The following SOD2 variants were observed in gnomAD, a reference collection of about 807,000 sequenced individuals.
SOD2 encodes superoxide dismutase 2.
In SOD2, 11 loss-of-function variants were observed where a neutral mutation model predicts 27.0. That is an observed-to-expected ratio of 0.41 (90% confidence interval 0.26 to 0.67). The LOEUF is 0.67. Among genes scored for constraint, SOD2 ranks in the 30% least tolerant of loss-of-function variants. The pLI is 0.34. For missense variants in SOD2, 250 were observed against 274.5 expected, an observed-to-expected ratio of 0.91 and a Z score of 0.63; for synonymous variants, 105 against 103.0, an observed-to-expected ratio of 1.02 and a Z score of -0.12.
chr6:159,689,982 A>T (rs901203825), intron 2 of SOD2, among the ~76,000 whole-genome samples: 1 of 151,080 alleles, frequency 6.6e-6, no homozygotes, highest in African/African-American at 2.4e-5. Context: ...AGAAAGAGAA[A>T]GAAAAAAACA....
At chr6:159,690,782 TAC>T (rs1351870497) in intron 2 of SOD2, 1 of 152,214 alleles carries the variant, frequency 6.6e-6, no homozygotes, top group Non-Finnish European at 1.5e-5. Flanking sequence ...CTTAACATCT[TAC>T]AGTTTGCTTA....
At chr6:159,691,794 AC>A (rs1263826162) in intron 2 of SOD2, 1 of 152,190 alleles carries the variant, frequency 6.6e-6, no homozygotes, top group Non-Finnish European at 1.5e-5. Context: ...GTAAATAAAA[AC>A]AAGCCTGTTT....
chr6:159,715,879 A>C (rs2114831487), intron 1 of SOD2, among the ~76,000 whole-genome samples: 1 of 152,094 alleles, frequency 6.6e-6, no homozygotes, highest in South Asian at 2.1e-4. Flanking sequence ...CAGCCTGGGC[A>C]ACAGAGCTAG....
At chr6:159,712,749 C>G in intron 1 of SOD2, 1 of 472,738 alleles carries the variant, frequency 2.1e-6, no homozygotes, top group South Asian at 1.7e-5. Flanking sequence ...CTCAGACCAC[C>G]ATAACCACCT....
chr6:159,755,272 C>T, intron 1 of SOD2: 1 of 1,614,180 alleles, frequency 6.2e-7, no homozygotes, highest in Non-Finnish European at 8.5e-7. Flanking sequence ...GCTCCTCCCG[C>T]CAGAGGACGT....
upstream of SOD2, among the ~76,000 whole-genome samples, chr6:159,698,230 G>A (rs573650015): frequency 6.6e-6 from 1 of 152,034 alleles, no homozygotes; most frequent in South Asian, 2.1e-4. Flanking sequence ...CTGAGATCTC[G>A]CCACTGCACT....
intron 1 of SOD2, among the ~76,000 whole-genome samples, chr6:159,709,537 C>G (rs562259260): frequency 1.3e-5 from 2 of 152,144 alleles, no homozygotes; most frequent in South Asian, 4.1e-4. Context: ...CACTGGCCAT[C>G]AGAGAAATGC....
chr6:159,703,796 C>A (rs1349533331), intron 1 of SOD2, among the ~76,000 whole-genome samples: 1 of 152,208 alleles, frequency 6.6e-6, no homozygotes, highest in East Asian at 1.9e-4. Flanking sequence ...CTTAGATACA[C>A]TCCTACAACA....
chr6:159,754,151 A>G (rs1230970902), intron 1 of SOD2, among the ~76,000 whole-genome samples: 1 of 152,228 alleles, frequency 6.6e-6, no homozygotes, highest in Admixed American at 6.5e-5. Context: ...TGCATTATTA[A>G]TAAGGAAAAT....
chr6:159,732,872 C>G (rs992877491), intron 1 of SOD2, among the ~76,000 whole-genome samples: 2 of 123,328 alleles, frequency 1.6e-5, no homozygotes, highest in Non-Finnish European at 3.2e-5. Context: ...CTCTCTCTCT[C>G]TGTATATATA....
At chr6:159,706,399 C>G (rs1380691411) in intron 1 of SOD2, among the ~76,000 whole-genome samples, 1 of 151,870 alleles carries the variant, frequency 6.6e-6, no homozygotes, top group Non-Finnish European at 1.5e-5. Context: ...CACACATAGG[C>G]TCAAAATAAA....
At chr6:159,738,844 C>T (rs919299492) in intron 1 of SOD2, 14 of 438,634 alleles carry the variant, frequency 3.2e-5, no homozygotes, top group Non-Finnish European at 5.1e-5. Flanking sequence ...AAAAAAAAAA[C>T]TTTTGTAATA....
At chr6:159,730,311 G>C (rs1481964636), upstream of SOD2, among the ~76,000 whole-genome samples, 2 of 152,134 alleles carry the variant, frequency 1.3e-5, no homozygotes, top group African/African-American at 4.8e-5. Context: ...AACTTTAATT[G>C]ACTCCAAATG....
intron 1 of SOD2, among the ~76,000 whole-genome samples, chr6:159,752,529 A>C (rs1028478303): frequency 1.3e-5 from 2 of 152,210 alleles, no homozygotes; most frequent in Non-Finnish European, 2.9e-5. Flanking sequence ...TAGCATTTGG[A>C]AACTATAATC....
At chr6:159,704,635 G>A (rs2842961) in intron 1 of SOD2, among the ~76,000 whole-genome samples, 118,343 of 152,158 alleles carry the variant, frequency 0.78, 46,323 homozygotes, top group South Asian at 0.85. Context: ...AGGAAGCTCG[G>A]ACTGGATGGA....
At chr6:159,744,995 C>G (rs1779489675) in intron 1 of SOD2, 1 of 152,226 alleles carries the variant, frequency 6.6e-6, no homozygotes, top group African/African-American at 2.4e-5. Context: ...ATCATTTTCT[C>G]TACCTTCTTA....
rs908028356 is a variant in SOD2, at chr6:159,674,173, A to G, written c.*8320T>C. The G allele has an allele frequency of 6.6e-6, 1 of 152,248 alleles. No homozygotes were observed. Among genetic ancestry groups the G allele is most frequent in the African/African-American group, 2.4e-5 (1 of 41,458 alleles). The allele number at this position is 152,248 out of a possible 1,614,324, so 9.4% of individuals were successfully genotyped here. ...GCCGAATTCTACCAGAGGTACAAGG[A>G]AGAGCTGGTACCATTCCTTCTGAAA... is the stretch of plus-strand genomic sequence containing the variant. On this transcript the variant is annotated 3_prime_UTR_variant, in exon 5 of 5. Transcript: ENST00000538183.
chr6:159,745,049 T>TA (rs1779492879), intron 1 of SOD2: 2 of 152,364 alleles, frequency 1.3e-5, no homozygotes, highest in African/African-American at 4.8e-5. Context: ...TTGTAATTCT[T>TA]ACCACCACTG....
At chr6:159,692,384 T>C (rs988185131) in intron 2 of SOD2, 5 of 1,332,536 alleles carry the variant, frequency 3.8e-6, no homozygotes, top group Non-Finnish European at 4.8e-6. Flanking sequence ...GCTGGCAATA[T>C]GTGTAACGGA....
Sources: gnomAD v4.1 joint callset for allele counts (sites outside exome capture counted in the v4.1 genomes callset) on GRCh38, gnomAD v4.1.1 for gene constraint, MANE v1.5 for transcripts, NCBI Gene and HGNC (gene_info 2026-07-23, HGNC 2026-07-21) for gene names.